TENM4: variants seen among roughly 807,000 people sequenced by gnomAD.
TENM4 encodes teneurin-4.
In TENM4, 82 loss-of-function variants were observed where a neutral mutation model predicts 243.3. That is an observed-to-expected ratio of 0.34 (90% confidence interval 0.28 to 0.40). The LOEUF is 0.40. TENM4 is among the 10% of genes least tolerant of loss of function. TENM4 has a pLI of 1.00. For synonymous variants in TENM4, 1,412 were observed against 1,456.3 expected, an observed-to-expected ratio of 0.97 and a Z score of 0.69; for missense variants, 3,138 against 3,673.3, an observed-to-expected ratio of 0.85 and a Z score of 3.77.
chr11:78,821,339 G>T (rs899367027), intron 12 of TENM4, among the ~76,000 whole-genome samples: 1 of 152,172 alleles, frequency 6.6e-6, no homozygotes, highest in Non-Finnish European at 1.5e-5. Context: ...CACAAACCAA[G>T]AACTCAATAA....
At chr11:78,925,429 G>A in intron 6 of TENM4, among the ~76,000 whole-genome samples, 1 of 152,090 alleles carries the variant, frequency 6.6e-6, no homozygotes, top group East Asian at 1.9e-4. Flanking sequence ...TTCCAGTTGG[G>A]TATACTTGTG....
intron 1 of TENM4, among the ~76,000 whole-genome samples, chr11:79,345,594 G>A (rs867805462): frequency 2.6e-5 from 4 of 152,298 alleles, no homozygotes; most frequent in African/African-American, 9.6e-5. Flanking sequence ...ACACTCTTCA[G>A]AGGGGCAAAG....
chr11:78,913,752 T>C (rs562830347), intron 6 of TENM4, among the ~76,000 whole-genome samples: 99 of 152,084 alleles, frequency 6.5e-4, no homozygotes, highest in Non-Finnish European at 1.1e-3. Flanking sequence ...GGGACGGCCA[T>C]GCTGTGCTGA....
chr11:78,930,653 G>A (rs520998), intron 6 of TENM4, among the ~76,000 whole-genome samples: 33,415 of 152,218 alleles, frequency 0.22, 3,950 homozygotes, highest in Middle Eastern at 0.31. Context: ...GGGCCACAAC[G>A]GGTTCTCAAT....
intron 1 of TENM4, among the ~76,000 whole-genome samples, chr11:79,417,212 A>G (rs1425128263): frequency 6.6e-6 from 1 of 152,240 alleles, no homozygotes; most frequent in South Asian, 2.1e-4. Flanking sequence ...TTACGTAAGC[A>G]CTGAAAACAT....
At chr11:79,369,088 G>A (rs1008761646) in intron 1 of TENM4, among the ~76,000 whole-genome samples, 4 of 151,696 alleles carry the variant, frequency 2.6e-5, no homozygotes, top group African/African-American at 7.3e-5. Flanking sequence ...AACAGTCTCC[G>A]GTCCCCAGAC....
chr11:79,147,330 A>G (rs1862412721), intron 4 of TENM4, among the ~76,000 whole-genome samples: 1 of 152,056 alleles, frequency 6.6e-6, no homozygotes, highest in Non-Finnish European at 1.5e-5. Flanking sequence ...GGGGGGCTCT[A>G]ATCCTTACCA....
chr11:78,934,119 A>G (rs1476432367), intron 6 of TENM4, among the ~76,000 whole-genome samples: 3 of 152,178 alleles, frequency 2.0e-5, no homozygotes, highest in Non-Finnish European at 2.9e-5. Flanking sequence ...ATAAAGACCA[A>G]TAAAGGGGGA....
At chr11:78,777,481 A>G (rs936937194) in intron 17 of TENM4, among the ~76,000 whole-genome samples, 2 of 152,224 alleles carry the variant, frequency 1.3e-5, no homozygotes, top group East Asian at 3.8e-4. Flanking sequence ...TAGCTAATGA[A>G]GTCCTTCTTC....
intron 4 of TENM4, among the ~76,000 whole-genome samples, chr11:79,102,604 G>C (rs1275177503): frequency 1.3e-5 from 2 of 152,306 alleles, no homozygotes; most frequent in Non-Finnish European, 2.9e-5. Context: ...TGAAGCCCTT[G>C]GCATGGTGCC....
Position 79,017,274 on chromosome 11 carries a change from G to A in TENM4, c.493+47464C>T, listed in dbSNP as rs530789678. On this transcript the variant is annotated intron_variant, in intron 6 of 33. Transcript: ENST00000278550. Reference sequence around the variant, plus strand: ...CTGAAGGAATAGTCTAGATAAAAGAGGCGGAGGCTGGAGGAAGTGGGGTAG... The same window carrying A: ...CTGAAGGAATAGTCTAGATAAAAGAAGCGGAGGCTGGAGGAAGTGGGGTAG... 3.1e-3 allele frequency among the ~76,000 whole-genome samples: 466 copies of A among 152,296 alleles called. 4 individuals carry two copies. Among genetic ancestry groups the A allele is most frequent in the African/African-American group, 0.011 (453 of 41,572 alleles).
At chr11:79,047,301 G>A (rs1389140178) in intron 6 of TENM4, among the ~76,000 whole-genome samples, 3 of 152,138 alleles carry the variant, frequency 2.0e-5, no homozygotes, top group African/African-American at 7.2e-5. Context: ...TACTTAAAAG[G>A]TTTCACCCCA....
chr11:78,687,644 C>A (rs549883823), intron 29 of TENM4, among the ~76,000 whole-genome samples: 1 of 152,146 alleles, frequency 6.6e-6, no homozygotes, highest in South Asian at 2.1e-4. Context: ...GAGGCACAAA[C>A]CTTCTCACCT....
Position 78,722,793 on chromosome 11 carries a change from G to C in TENM4, c.3675C>G (p.Asp1225Glu), listed in dbSNP as rs569641503. ...ISCPSCNGLADGNKLLAPVAL... is the reference protein window; with the variant it reads ...ISCPSCNGLAEGNKLLAPVAL... ...CCACTGGGGCCAGGAGCTTGTTGCC[G>C]TCAGCAAGGCCGTTGCAGCTGGGGC... Residue 1225 changes from aspartate (D) to glutamate (E), a missense_variant, in exon 24 of 34, where the codon GAC (aspartate) becomes GAG (glutamate). Transcript: ENST00000278550. 41 of 1,614,054 alleles carry C rather than the reference G, an allele frequency of 2.5e-5. No homozygotes were observed. In the East Asian group the frequency reaches 8.2e-4, roughly 32 times the overall value.
At chr11:79,069,619 C>G (rs117550638) in intron 5 of TENM4, 103 bp downstream of exon 5, 1 of 1,408,654 alleles carries the variant, frequency 7.1e-7, no homozygotes, top group East Asian at 2.5e-5. Context: ...GGTGTTCCAG[C>G]TCACCTGTGC....
chr11:78,794,940 G>A (rs1857132578), intron 15 of TENM4, among the ~76,000 whole-genome samples: 1 of 152,202 alleles, frequency 6.6e-6, no homozygotes, highest in Non-Finnish European at 1.5e-5. Context: ...CAGTACTTGA[G>A]TAGGAACTTG....
In TENM4 at chr11:78,670,134, A is replaced by T. The variant is rs762572739; in HGVS notation, c.6211T>A (p.Phe2071Ile). 2 of 1,613,958 alleles carry T rather than the reference A, an allele frequency of 1.2e-6. No homozygotes were observed. The highest frequency in any genetic ancestry group is 2.2e-5 in the South Asian group (2 of 91,066). Residue 2071 changes from phenylalanine to isoleucine, a missense_variant, in exon 32 of 34, where the codon TTC (phenylalanine) becomes ATC (isoleucine). By Grantham distance (21) the Phe-to-Ile change is conservative. Around this residue, in one of 2 missense-constraint regions of TENM4, gnomAD observed 2,467 missense variants for 3,059.1 expected, o/e 0.81. Coordinates refer to ENST00000278550, the MANE Select transcript of TENM4 (RefSeq NM_001098816.3). ...GCGTTGACCATGCCTTCCTCAGTGA[A>T]GCGGAAGATCTGTCGGTCAATCAGG... ...GPLIDRQIFR[F>I]TEEGMVNARF...
chr11:79,185,576 A>G (rs1375713587), intron 3 of TENM4, among the ~76,000 whole-genome samples: 3 of 152,294 alleles, frequency 2.0e-5, no homozygotes, highest in South Asian at 2.1e-4. Context: ...GAGACAATCA[A>G]TGTGGAATTT....
intron 1 of TENM4, among the ~76,000 whole-genome samples, chr11:79,308,961 T>C (rs1195069415): frequency 6.6e-6 from 1 of 152,078 alleles, no homozygotes; most frequent in East Asian, 1.9e-4. Context: ...CAAGTAATTA[T>C]TATGCACTAT....
Sources: allele counts gnomAD v4.1 joint callset (sites outside exome capture counted in the v4.1 genomes callset), GRCh38; gene constraint gnomAD v4.1.1; regional missense constraint gnomAD v4.1.1; transcripts MANE v1.5; gene names NCBI Gene and HGNC (gene_info 2026-07-23, HGNC 2026-07-21).